The following ATP8B4 variants were observed in gnomAD, a reference collection of about 807,000 sequenced individuals.
ATP8B4 encodes probable phospholipid-transporting ATPase IM.
Under a neutral mutation model 145.6 loss-of-function variants are expected in ATP8B4, and 133 were observed. That is an observed-to-expected ratio of 0.91 (90% CI 0.79 to 1.05). The LOEUF is 1.05. Among genes scored for constraint, ATP8B4 ranks in the 50% least tolerant of loss-of-function variants. The pLI is 0.00. For missense variants in ATP8B4, 1,458 were observed against 1,425.2 expected, an observed-to-expected ratio of 1.02 and a Z score of -0.37; for synonymous variants, 507 against 492.9, an observed-to-expected ratio of 1.03 and a Z score of -0.38.
chr15:50,027,937 C>G (rs536079393), intron 6 of ATP8B4, among the ~76,000 whole-genome samples: 1 of 152,176 alleles, frequency 6.6e-6, no homozygotes, highest in East Asian at 1.9e-4. Flanking sequence ...TTTCCAAGAA[C>G]CTATCAGCAA....
intron 8 of ATP8B4, among the ~76,000 whole-genome samples, chr15:49,999,145 CAAT>C: frequency 6.6e-6 from 1 of 151,996 alleles, no homozygotes; most frequent in East Asian, 1.9e-4. Context: ...AAATGTCCAA[CAAT>C]GATAGATTGG....
intron 14 of ATP8B4, among the ~76,000 whole-genome samples, chr15:49,956,138 T>C (rs2043538625): frequency 6.6e-6 from 1 of 152,196 alleles, no homozygotes; most frequent in Non-Finnish European, 1.5e-5. Context: ...TTTAAAAGTT[T>C]ATGACTCAAG....
At chr15:50,074,026 G>T in intron 3 of ATP8B4, 101 bp downstream of exon 3, 1 of 978,288 alleles carries the variant, frequency 1.0e-6, no homozygotes, top group South Asian at 1.7e-5. Flanking sequence ...GGCCAATGAA[G>T]AAAGTTTTTG....
chr15:49,902,903 G>A (rs1006814796), intron 20 of ATP8B4, among the ~76,000 whole-genome samples: 4 of 152,130 alleles, frequency 2.6e-5, no homozygotes, highest in African/African-American at 4.8e-5. Context: ...GTTCTCACTC[G>A]CTGTATAAAT....
At chr15:49,989,849 C>T (rs888959201) in intron 9 of ATP8B4, among the ~76,000 whole-genome samples, 1 of 152,082 alleles carries the variant, frequency 6.6e-6, no homozygotes, top group African/African-American at 2.4e-5. Context: ...GTACCACTTT[C>T]GAAAAGGGAT....
chr15:50,087,550 A>C (rs545635787), intron 2 of ATP8B4, among the ~76,000 whole-genome samples: 2 of 151,408 alleles, frequency 1.3e-5, no homozygotes, highest in African/African-American at 4.8e-5. Flanking sequence ...AAGTATAATA[A>C]ACATATTTTT....
At chr15:50,136,707 C>T (rs2044127747) in intron 1 of ATP8B4, among the ~76,000 whole-genome samples, 2 of 152,170 alleles carry the variant, frequency 1.3e-5, no homozygotes, top group Admixed American at 6.5e-5. Context: ...TAAGAGGCCA[C>T]ACTGCTTGAT....
At chr15:49,867,228 C>T (rs2032949898) in intron 25 of ATP8B4, among the ~76,000 whole-genome samples, 1 of 152,130 alleles carries the variant, frequency 6.6e-6, no homozygotes, top group Admixed American at 6.6e-5. Flanking sequence ...CTCATAGTTC[C>T]CAAGTGATCC....
intron 2 of ATP8B4, among the ~76,000 whole-genome samples, chr15:50,093,102 T>C (rs892082432): frequency 6.6e-6 from 1 of 151,832 alleles, no homozygotes; most frequent in African/African-American, 2.4e-5. Flanking sequence ...CTCCACCCAG[T>C]GGAAATATTC....
intron 1 of ATP8B4, among the ~76,000 whole-genome samples, chr15:50,171,896 C>T (rs1001799582): frequency 3.9e-5 from 6 of 152,108 alleles, no homozygotes; most frequent in African/African-American, 1.4e-4. Flanking sequence ...TTACAACTGA[C>T]ACCACTGAAA....
chr15:49,904,961 T>C (rs1303070827), intron 20 of ATP8B4, among the ~76,000 whole-genome samples: 1 of 152,160 alleles, frequency 6.6e-6, no homozygotes, highest in Non-Finnish European at 1.5e-5. Context: ...GAATGAGTTT[T>C]CCTCTCAGAT....
intron 3 of ATP8B4, among the ~76,000 whole-genome samples, chr15:50,071,347 CCATTA>C (rs1383761487): frequency 6.6e-6 from 1 of 151,974 alleles, no homozygotes; most frequent in Non-Finnish European, 1.5e-5. Context: ...CTGCAATATT[CCATTA>C]ATTAAGCAAA....
At chr15:49,960,683 C>T (rs571597127) in intron 14 of ATP8B4, among the ~76,000 whole-genome samples, 76 of 152,034 alleles carry the variant, frequency 5.0e-4, no homozygotes, top group Non-Finnish European at 1.2e-4. Flanking sequence ...TTTTTCATGG[C>T]AAAAATACCA....
chr15:50,173,777 C>G (rs2044723385), intron 1 of ATP8B4, among the ~76,000 whole-genome samples: 1 of 152,080 alleles, frequency 6.6e-6, no homozygotes, highest in Admixed American at 6.5e-5. Context: ...AAAGAACCCT[C>G]CCTAATTCAT....
At position 49,923,469 on chromosome 15, in the gene ATP8B4, C is replaced by T. The variant is rs779425492; in HGVS notation, c.1668G>A (p.Lys556=). ...TAGTATCTGCTCCTTTGGAATAAAG[C>T]TTTATCTGTCCTTCTGGGTTTCGAA... ...VIVRNPEGQI[K]LYSKGADTIL... is the part of the protein sequence containing the mutation. The change falls in exon 17 of 28, where the codon AAG becomes AAA. Residue 556 remains lysine, a synonymous_variant. Coordinates refer to ENST00000284509, the MANE Select transcript of ATP8B4 (RefSeq NM_024837.4). 1.9e-6 allele frequency: 3 copies of T among 1,610,016 alleles called. No individual in the cohort carries two copies. In the South Asian group the frequency reaches 3.3e-5, roughly 18 times the overall value.
chr15:50,072,047 A>AAT (rs2053775931), intron 3 of ATP8B4, among the ~76,000 whole-genome samples: 14 of 148,270 alleles, frequency 9.4e-5, no homozygotes, highest in Admixed American at 6.0e-4. Context: ...TATTAATATT[A>AAT]ATTAATTAAT....
At chr15:49,926,907 C>G (rs1047263218) in intron 16 of ATP8B4, among the ~76,000 whole-genome samples, 1 of 152,140 alleles carries the variant, frequency 6.6e-6, no homozygotes, top group African/African-American at 2.4e-5. Context: ...ATGCCTGTCA[C>G]ATGACAGTGT....
At chr15:49,934,501 C>A (rs867265628) in intron 14 of ATP8B4, among the ~76,000 whole-genome samples, 1 of 152,146 alleles carries the variant, frequency 6.6e-6, no homozygotes, top group Non-Finnish European at 1.5e-5. Context: ...TTTTTCAAAA[C>A]CTACTTTACG....
intron 20 of ATP8B4, chr15:49,901,868 A>G: frequency 2.5e-6 from 1 of 398,894 alleles, no homozygotes. Context: ...TAAATCTTCT[A>G]GGAAAAAAAC....
Sources: gnomAD v4.1 joint callset for allele counts (sites outside exome capture counted in the v4.1 genomes callset) on GRCh38, gnomAD v4.1.1 for gene constraint, MANE v1.5 for transcripts, NCBI Gene and HGNC (gene_info 2026-07-23, HGNC 2026-07-21) for gene names.